Variants in ANAPC1 observed in about 807,000 individuals in gnomAD.
ANAPC1 encodes the protein anaphase-promoting complex subunit 1.
ANAPC1 carries 36 observed loss-of-function variants against 208.0 expected under a neutral mutation model. That is an observed-to-expected ratio of 0.17 (90% CI 0.13 to 0.23). The LOEUF is 0.23. Among genes scored for constraint, ANAPC1 ranks in the 10% least tolerant of loss-of-function variants. The pLI is 1.00. For missense variants in ANAPC1, 942 were observed against 2,011.6 expected (o/e 0.47, Z 10.17); for synonymous variants, 378 against 695.2 (o/e 0.54, Z 7.18).
chr2:111,825,071 A>C, intron 23 of ANAPC1, 35 bp from the exon 24 acceptor site: 1 of 1,613,870 alleles, frequency 6.2e-7, no homozygotes, highest in Non-Finnish European at 8.5e-7. Flanking sequence ...TATTAAGCAG[A>C]ACAGTAAATA....
intron 3 of ANAPC1, among the ~76,000 whole-genome samples, chr2:111,875,750 A>G (rs1278311505): frequency 6.6e-6 from 1 of 152,250 alleles, no homozygotes; most frequent in East Asian, 1.9e-4. Context: ...GTATACTGCC[A>G]GCATCCACTT....
chr2:111,837,111 TG>T (rs1680512875), intron 18 of ANAPC1, among the ~76,000 whole-genome samples: 2 of 151,610 alleles, frequency 1.3e-5, no homozygotes, highest in Admixed American at 1.3e-4. Flanking sequence ...AAACAAACCA[TG>T]GTATATTCAC....
intron 16 of ANAPC1, among the ~76,000 whole-genome samples, chr2:111,846,556 TATA>T (rs1361997241): frequency 0.037 from 2,221 of 60,522 alleles, 50 homozygotes; most frequent in Non-Finnish European, 0.047. Flanking sequence ...TATATATATA[TATA>T]TTTTTTTTTT....
At chr2:111,879,235 C>T (rs981432210) in intron 2 of ANAPC1, among the ~76,000 whole-genome samples, 1 of 152,162 alleles carries the variant, frequency 6.6e-6, no homozygotes, top group Non-Finnish European at 1.5e-5. Context: ...ACAAAAAGTA[C>T]ACCTTCTCTA....
At chr2:111,847,326 G>A in intron 15 of ANAPC1, 128 bp from the exon 16 acceptor site, 1 of 639,758 alleles carries the variant, frequency 1.6e-6, no homozygotes, top group Non-Finnish European at 2.6e-6. Context: ...TTTTCAAACA[G>A]AAATGAACAC....
chr2:111,850,425 T>G (rs1231181682), intron 14 of ANAPC1, among the ~76,000 whole-genome samples: 1 of 152,208 alleles, frequency 6.6e-6, no homozygotes, highest in Admixed American at 6.5e-5. Context: ...TATCTTCCCA[T>G]CGGATGTTAT....
chr2:111,781,292 TAG>T (rs1677257204), intron 43 of ANAPC1, among the ~76,000 whole-genome samples: 1 of 149,704 alleles, frequency 6.7e-6, no homozygotes, highest in East Asian at 1.9e-4. Context: ...CAAATTGGGT[TAG>T]AGTCTTTGGA....
At chr2:111,823,331 G>A (rs913831250) in intron 24 of ANAPC1, among the ~76,000 whole-genome samples, 1 of 151,840 alleles carries the variant, frequency 6.6e-6, no homozygotes, top group African/African-American at 2.4e-5. Flanking sequence ...CAACAATAAT[G>A]CTTATCCATA....
At chr2:111,786,030 T>C (rs1379009146) in intron 39 of ANAPC1, among the ~76,000 whole-genome samples, 2 of 151,826 alleles carry the variant, frequency 1.3e-5, no homozygotes, top group Non-Finnish European at 2.9e-5. Flanking sequence ...TCTCAAACAG[T>C]TTTTTAAACT....
Position 111,843,460 on chromosome 2 carries a change from G to T in ANAPC1, c.1992C>A (p.Leu664=). ...CTGTGTTATAACCCATCATGTTCATGAGACAAGTCACAAATAAATTCCACT... is the reference window on the plus strand; with the variant it reads ...CTGTGTTATAACCCATCATGTTCATTAGACAAGTCACAAATAAATTCCACT... ...HSEWNLFVTC[L]MNMMGYNTDR... is the part of the protein sequence containing the mutation. The change falls in exon 17 of 48, where the codon CTC becomes CTA. Residue 664 remains leucine (L), a synonymous_variant. Transcript: ENST00000341068. 6.2e-7 allele frequency: 1 copy of T among 1,611,956 alleles called. No homozygotes were observed. Among genetic ancestry groups the T allele is most frequent in the South Asian group, 1.1e-5 (1 of 90,994 alleles).
intron 1 of ANAPC1, among the ~76,000 whole-genome samples, chr2:111,882,909 T>A (rs931342250): frequency 2.6e-5 from 4 of 152,134 alleles, no homozygotes; most frequent in Non-Finnish European, 5.9e-5. Flanking sequence ...GGCTCACGCC[T>A]GTAATCCCAG....
chr2:111,785,996 T>A (rs1035859846), intron 39 of ANAPC1, among the ~76,000 whole-genome samples: 48 of 152,302 alleles, frequency 3.2e-4, no homozygotes, highest in African/African-American at 1.1e-3. Context: ...TCCATGTGGG[T>A]ATGGCAATAT....
At chr2:111,799,131 T>C (rs1206870327) in intron 34 of ANAPC1, among the ~76,000 whole-genome samples, 16 of 150,390 alleles carry the variant, frequency 1.1e-4, no homozygotes, top group Non-Finnish European at 1.6e-4. Flanking sequence ...TTTTAAAAAA[T>C]AAGCAAAAGA....
chr2:111,799,078 C>T (rs1420523541), intron 34 of ANAPC1, among the ~76,000 whole-genome samples: 5 of 151,292 alleles, frequency 3.3e-5, no homozygotes, highest in Non-Finnish European at 1.5e-5. Flanking sequence ...TTCTAGAATG[C>T]ATTAAAAAAA....
chr2:111,771,624 A>G, intron 47 of ANAPC1, among the ~76,000 whole-genome samples: 1 of 151,358 alleles, frequency 6.6e-6, no homozygotes, highest in Non-Finnish European at 1.5e-5. Flanking sequence ...TTTTGAGGGC[A>G]AGTGAGTCCA....
At chr2:111,873,045 T>C (rs1682838104) in intron 5 of ANAPC1, 2 of 460,202 alleles carry the variant, frequency 4.3e-6, no homozygotes, top group Non-Finnish European at 7.8e-6. Flanking sequence ...CCTTATTTAA[T>C]ATAACCAAAA....
At chr2:111,795,426 A>C (rs1192620296) in intron 34 of ANAPC1, among the ~76,000 whole-genome samples, 1 of 149,222 alleles carries the variant, frequency 6.7e-6, no homozygotes, top group Non-Finnish European at 1.5e-5. Flanking sequence ...GGCTGAACAA[A>C]TATAAACAGG....
At chr2:111,848,520 T>C (rs1005522819) in intron 14 of ANAPC1, among the ~76,000 whole-genome samples, 1 of 152,038 alleles carries the variant, frequency 6.6e-6, no homozygotes, top group Non-Finnish European at 1.5e-5. Context: ...CTCATGCCTA[T>C]AATCCCAGCA....
At chr2:111,842,883 A>T (rs923007612) in intron 17 of ANAPC1, among the ~76,000 whole-genome samples, 2 of 152,196 alleles carry the variant, frequency 1.3e-5, no homozygotes, top group Non-Finnish European at 2.9e-5. Context: ...CTGCAGGAAG[A>T]GGGTGAGAGG....
Sources: gnomAD v4.1 joint callset for allele counts (sites outside exome capture counted in the v4.1 genomes callset) on GRCh38, gnomAD v4.1.1 for gene constraint, MANE v1.5 for transcripts, NCBI Gene and HGNC (gene_info 2026-07-23, HGNC 2026-07-21) for gene names.